LIN7A: variants seen among roughly 807,000 people sequenced by gnomAD.
LIN7A encodes lin-7 cell polarity scaffold A.
A neutral mutation model predicts 29.8 loss-of-function variants in LIN7A; 25 were observed. The ratio of observed to expected loss-of-function variants is 0.84; its 90% CI spans 0.61 to 1.17. The LOEUF (loss-of-function observed/expected upper bound fraction) is 1.17, where lower values mean the gene tolerates loss of function less well. LIN7A is among the 50% of genes most tolerant of loss of function. LIN7A has a pLI of 0.00. For missense variants in LIN7A, 239 were observed against 287.0 expected, an observed-to-expected ratio of 0.83 and a Z score of 1.21; for synonymous variants, 118 against 107.5, an observed-to-expected ratio of 1.10 and a Z score of -0.60.
chr12:80,845,093 C>T (rs962019227), intron 4 of LIN7A, among the ~76,000 whole-genome samples: 4 of 151,762 alleles, frequency 2.6e-5, no homozygotes, highest in Non-Finnish European at 4.4e-5. Context: ...AAAAATTAAC[C>T]GGGCTTGGTG....
At chr12:80,883,605 T>A (rs1488058662) in intron 2 of LIN7A, among the ~76,000 whole-genome samples, 2 of 152,226 alleles carry the variant, frequency 1.3e-5, no homozygotes, top group Non-Finnish European at 2.9e-5. Context: ...GGGATCCTAC[T>A]CTTTAATAAT....
chr12:80,865,029 A>G (rs1874067607), intron 2 of LIN7A, among the ~76,000 whole-genome samples: 1 of 152,226 alleles, frequency 6.6e-6, no homozygotes, highest in African/African-American at 2.4e-5. Context: ...GACACTGATT[A>G]TTCCTCTCAC....
chr12:80,878,000 T>A (rs1432484768), intron 2 of LIN7A, among the ~76,000 whole-genome samples: 1 of 152,218 alleles, frequency 6.6e-6, no homozygotes, highest in Non-Finnish European at 1.5e-5. Context: ...CCAAGGACTC[T>A]ATTATTTTGA....
intron 5 of LIN7A, among the ~76,000 whole-genome samples, chr12:80,807,080 T>TTTTTTGTTGTTGTTG (rs1555221376): frequency 7.4e-6 from 1 of 134,686 alleles, no homozygotes; most frequent in African/African-American, 2.8e-5. Context: ...TTTTTTTTTT[T>TTTTTTGTTGTTGTTG]TTTTTTTTTT....
At chr12:80,876,842 C>T (rs961692280) in intron 2 of LIN7A, among the ~76,000 whole-genome samples, 2 of 152,110 alleles carry the variant, frequency 1.3e-5, no homozygotes, top group African/African-American at 4.8e-5. Context: ...ATATTCTTGG[C>T]CGGGCGCGGT....
At chr12:80,814,036 T>C (rs574306348) in intron 4 of LIN7A, among the ~76,000 whole-genome samples, 13 of 152,176 alleles carry the variant, frequency 8.5e-5, no homozygotes, top group East Asian at 1.9e-4. Flanking sequence ...AGATACTAAA[T>C]TGAGTTACAG....
chr12:80,834,981 A>T (rs187195680), intron 4 of LIN7A, among the ~76,000 whole-genome samples: 26 of 152,306 alleles, frequency 1.7e-4, no homozygotes, highest in Admixed American at 1.5e-3. Context: ...GATTAAATCG[A>T]ATCATTGGCT....
Position 80,794,280 on chromosome 12 carries a change from C to A in LIN7A, c.*3447G>T, listed in dbSNP as rs1870345900. 6.6e-6 allele frequency: 1 copy of A among 152,104 alleles called. No homozygotes were observed. The highest frequency in any genetic ancestry group is 2.1e-4 in the South Asian group (1 of 4,830). 9.4% of individuals were successfully genotyped at this position (152,104 alleles called of 1,614,324 possible). On this transcript the variant is annotated 3_prime_UTR_variant, in exon 6 of 6. Transcript: ENST00000552864. ...GTCACAGCCCTTTCTCTATAGTTTT[C>A]CAGCTAGAGAGGGATGAGATGGGTT...
chr12:80,811,856 A>G (rs1038460306), intron 4 of LIN7A, among the ~76,000 whole-genome samples, 173 bp from the exon 5 acceptor site: 22 of 152,202 alleles, frequency 1.4e-4, no homozygotes, highest in Non-Finnish European at 1.5e-5. Context: ...GTTAAACTAT[A>G]AGCAGGTTAG....
intron 4 of LIN7A, among the ~76,000 whole-genome samples, chr12:80,821,923 G>A (rs1871826892): frequency 6.6e-6 from 1 of 152,196 alleles, no homozygotes; most frequent in Admixed American, 6.5e-5. Context: ...CTAAGTGCAG[G>A]CACTGTTGCA....
chr12:80,923,222 C>G (rs1877406902), intron 1 of LIN7A, among the ~76,000 whole-genome samples: 1 of 152,154 alleles, frequency 6.6e-6, no homozygotes, highest in Non-Finnish European at 1.5e-5. Context: ...GGTTTCTGGA[C>G]TCTGGGATTT....
At chr12:80,873,137 GGT>G (rs1874504716) in intron 2 of LIN7A, among the ~76,000 whole-genome samples, 1 of 152,122 alleles carries the variant, frequency 6.6e-6, no homozygotes, top group South Asian at 2.1e-4. Flanking sequence ...TGTAGGAAGA[GGT>G]GTGAAGCAAT....
At position 80,811,404 on chromosome 12, in the gene LIN7A, CAT is replaced by C. The variant is rs1311876171; in HGVS notation, c.*59_*60del. On this transcript the variant is annotated intron_variant, in intron 5 of 5. Coordinates refer to ENST00000552864, the MANE Select transcript of LIN7A (RefSeq NM_004664.4). The stretch of plus-strand genomic sequence containing the variant: ...TATATTTTAAGTATATTCATATATA[CAT>C]ATATGTGTGTGTGTATATATATATA... The C allele has an allele frequency of 9.5e-5, 59 of 623,708 alleles. 1 individual carries two copies. The South Asian group carries it at 9.6e-4, about 10-fold the overall frequency. 38.6% of individuals were successfully genotyped at this position (623,708 alleles called of 1,614,324 possible). A position where few individuals can be genotyped will look rare whatever the true frequency, so the allele number is the denominator to read the frequency against.
At chr12:80,913,522 A>G (rs1229139419) in intron 1 of LIN7A, among the ~76,000 whole-genome samples, 2 of 152,208 alleles carry the variant, frequency 1.3e-5, no homozygotes, top group African/African-American at 4.8e-5. Context: ...TGTGTTCGCA[A>G]TGAATTATGA....
intron 5 of LIN7A, among the ~76,000 whole-genome samples, chr12:80,800,712 CAGAT>C (rs1301490018): frequency 2.0e-5 from 3 of 151,900 alleles, no homozygotes; most frequent in Non-Finnish European, 4.4e-5. Flanking sequence ...TTCAGCATAT[CAGAT>C]AGAAGCAGAG....
At chr12:80,926,414 G>A (rs1044574727) in intron 1 of LIN7A, among the ~76,000 whole-genome samples, 1 of 151,776 alleles carries the variant, frequency 6.6e-6, no homozygotes, top group African/African-American at 2.4e-5. Context: ...GAATATAAGG[G>A]ATTGATTTTT....
chr12:80,902,615 T>C (rs1334797951), intron 1 of LIN7A, among the ~76,000 whole-genome samples: 1 of 152,080 alleles, frequency 6.6e-6, no homozygotes, highest in African/African-American at 2.4e-5. Context: ...TTCATTTTCT[T>C]TGTGGCTATG....
chr12:80,852,806 C>T (rs1354128044), intron 2 of LIN7A, among the ~76,000 whole-genome samples: 1 of 152,274 alleles, frequency 6.6e-6, no homozygotes, highest in East Asian at 1.9e-4. Context: ...CTCACACAAT[C>T]CCCAGTTTCA....
At chr12:80,931,889 C>A (rs771579593) in intron 1 of LIN7A, among the ~76,000 whole-genome samples, 3 of 152,126 alleles carry the variant, frequency 2.0e-5, no homozygotes, top group Non-Finnish European at 4.4e-5. Context: ...CTCTTTTCTA[C>A]CCCTGATCAA....
Sources: gnomAD v4.1 joint callset for allele counts (sites outside exome capture counted in the v4.1 genomes callset) on GRCh38, gnomAD v4.1.1 for gene constraint, MANE v1.5 for transcripts, NCBI Gene and HGNC (gene_info 2026-07-23, HGNC 2026-07-21) for gene names.